Variants in SNTG2 observed in about 807,000 individuals in gnomAD.
SNTG2 encodes the protein gamma-2-syntrophin.
A neutral mutation model predicts 70.9 loss-of-function variants in SNTG2; 74 were observed. The ratio of observed to expected loss-of-function variants is 1.04; its 90% CI spans 0.86 to 1.27. The LOEUF (loss-of-function observed/expected upper bound fraction) is 1.27. SNTG2 is among the 50% of genes most tolerant of loss of function. The pLI is 0.00. For missense variants in SNTG2, 717 were observed against 690.7 expected, an observed-to-expected ratio of 1.04 and a Z score of -0.43; for synonymous variants, 278 against 273.8, an observed-to-expected ratio of 1.02 and a Z score of -0.15.
chr2:1,156,894 G>T (rs1224825783), intron 6 of SNTG2, among the ~76,000 whole-genome samples: 1 of 152,070 alleles, frequency 6.6e-6, no homozygotes, highest in Admixed American at 6.6e-5. Flanking sequence ...AGGTTTCCAC[G>T]GTGATTGGAT....
chr2:1,318,321 T>C (rs866055234), intron 16 of SNTG2, among the ~76,000 whole-genome samples: 2 of 152,278 alleles, frequency 1.3e-5, no homozygotes, highest in African/African-American at 2.4e-5. Context: ...CTGAGCAACA[T>C]GTCACACATG....
Position 1,165,622 on chromosome 2 carries a change from G to A in SNTG2, c.486G>A (p.Leu162=). 4.3e-6 allele frequency: 7 copies of A among 1,612,926 alleles called. No homozygotes were observed. Among genetic ancestry groups the A allele is most frequent in the Non-Finnish European group, 5.9e-6 (7 of 1,179,556 alleles). The change falls in exon 7 of 17, where the codon CTG becomes CTA. Residue 162 remains leucine, a synonymous_variant. Coordinates refer to ENST00000308624, the MANE Select transcript of SNTG2 (RefSeq NM_018968.4). Reference sequence around the variant, plus strand: ...ATCTCAGGGAAGCGCCGGCATTTCTGAAGCTCCCGTTAGGTAAGTGGGAAG... The same window carrying A: ...ATCTCAGGGAAGCGCCGGCATTTCTAAAGCTCCCGTTAGGTAAGTGGGAAG... ...VEYLREAPAF[L]KLPLGSPGPS...
intron 1 of SNTG2, among the ~76,000 whole-genome samples, chr2:1,061,265 G>T (rs1359478165): frequency 1.3e-5 from 2 of 152,136 alleles, no homozygotes; most frequent in East Asian, 3.9e-4. Flanking sequence ...TGGACGCTGG[G>T]GTGGAAAGAA....
At chr2:1,252,689 A>C (rs1000327353) in intron 12 of SNTG2, among the ~76,000 whole-genome samples, 8 of 152,194 alleles carry the variant, frequency 5.3e-5, no homozygotes, top group Admixed American at 3.3e-4. Flanking sequence ...AGTGTTTTGC[A>C]GAGGTCATCA....
At chr2:1,234,111 G>A (rs182653077) in intron 9 of SNTG2, among the ~76,000 whole-genome samples, 1 of 152,324 alleles carries the variant, frequency 6.6e-6, no homozygotes, top group Non-Finnish European at 1.5e-5. Flanking sequence ...GAGAGGCCGG[G>A]TTCCAACTGT....
intron 14 of SNTG2, among the ~76,000 whole-genome samples, chr2:1,299,616 T>C (rs937042048): frequency 1.1e-4 from 17 of 152,150 alleles, no homozygotes; most frequent in African/African-American, 4.1e-4. Context: ...AATAAGATAC[T>C]GGGGGCTAAG....
intron 6 of SNTG2, among the ~76,000 whole-genome samples, chr2:1,162,071 C>CAAAAAAAA (rs58579024): frequency 1.1e-5 from 1 of 89,774 alleles, no homozygotes. Flanking sequence ...GACTCCGTCT[C>CAAAAAAAA]AAAAAAAAAA....
intron 16 of SNTG2, among the ~76,000 whole-genome samples, chr2:1,365,631 C>T (rs1000854899): frequency 6.6e-6 from 1 of 152,146 alleles, no homozygotes; most frequent in African/African-American, 2.4e-5. Flanking sequence ...TTCAGGTATT[C>T]ACTTCTCACA....
chr2:1,171,273 C>A (rs765152979), intron 7 of SNTG2, among the ~76,000 whole-genome samples: 5 of 152,144 alleles, frequency 3.3e-5, no homozygotes, highest in Non-Finnish European at 4.4e-5. Flanking sequence ...AGAGTGGAAG[C>A]GTGACTGTCA....
At chr2:1,016,428 A>T (rs1274316430) in intron 1 of SNTG2, among the ~76,000 whole-genome samples, 1 of 152,120 alleles carries the variant, frequency 6.6e-6, no homozygotes, top group Non-Finnish European at 1.5e-5. Flanking sequence ...TTTAGTAGAG[A>T]TGGGGTTTTA....
At chr2:1,287,185 C>A (rs1679798666) in intron 14 of SNTG2, among the ~76,000 whole-genome samples, 1 of 152,198 alleles carries the variant, frequency 6.6e-6, no homozygotes, top group Admixed American at 6.5e-5. Context: ...TCTGTCTAAA[C>A]AATGAGTGAT....
chr2:1,091,821 C>G (rs1347410306), intron 2 of SNTG2, among the ~76,000 whole-genome samples: 1 of 152,174 alleles, frequency 6.6e-6, no homozygotes, highest in Non-Finnish European at 1.5e-5. Context: ...CCAAATTAAG[C>G]AAATATGCAC....
At chr2:1,222,028 CCTATCTCTGT>C (rs1675105016) in intron 9 of SNTG2, among the ~76,000 whole-genome samples, 1 of 1,386 alleles carries the variant, frequency 7.2e-4, no homozygotes, top group Admixed American at 0.01. Context: ...TCTGTCTCTG[CCTATCTCTGT>C]CTCTCTCTGT....
Position 1,211,323 on chromosome 2 carries a change from GA to G in SNTG2, c.719+2098del, listed in dbSNP as rs1674024559. Among the ~76,000 whole-genome samples, 3 of 152,162 alleles carry G rather than the reference GA, an allele frequency of 2.0e-5. No individual in the cohort carries two copies. The South Asian group carries it at 6.2e-4, about 32-fold the overall frequency. ...CGTATTTGAATTAAATGGGTTTTTAGAAAAATAGAGCCACTGAACTTCATTA... is the reference window on the plus strand; with the variant it reads ...CGTATTTGAATTAAATGGGTTTTTAGAAAATAGAGCCACTGAACTTCATTA... On this transcript the variant is annotated intron_variant, in intron 9 of 16. Coordinates refer to ENST00000308624, the MANE Select transcript of SNTG2 (RefSeq NM_018968.4).
chr2:1,249,561 C>G (rs1299941787), intron 12 of SNTG2, among the ~76,000 whole-genome samples: 1 of 152,196 alleles, frequency 6.6e-6, no homozygotes, highest in South Asian at 2.1e-4. Flanking sequence ...AGTATGTGGC[C>G]TGTCATTGTT....
intron 16 of SNTG2, among the ~76,000 whole-genome samples, chr2:1,351,344 T>C (rs1189488547): frequency 6.6e-6 from 1 of 152,092 alleles, no homozygotes; most frequent in Non-Finnish European, 1.5e-5. Context: ...GGCAAGATAA[T>C]AATGCTGAGG....
intron 4 of SNTG2, among the ~76,000 whole-genome samples, chr2:1,112,317 CTAAG>C (rs1412038035): frequency 1.3e-5 from 2 of 151,596 alleles, no homozygotes; most frequent in African/African-American, 2.4e-5. Flanking sequence ...ATCCTGTGTA[CTAAG>C]TGAGGTTTAA....
rs570416773 is a variant in SNTG2 at position 1,082,834 on chromosome 2, C to G, written c.73-684C>G. Among the ~76,000 whole-genome samples, 17 of 152,368 alleles carry G rather than the reference C, an allele frequency of 1.1e-4. No individual in the cohort carries two copies. In the East Asian group the frequency reaches 2.9e-3, roughly 26 times the overall value. On this transcript the variant is annotated intron_variant, in intron 1 of 16. Transcript: ENST00000308624. ...AACGTTTCTAATGATCCAAAGGTGT[C>G]TTTCTGAACTGTCTTTCCTTCATCT...
intron 1 of SNTG2, among the ~76,000 whole-genome samples, chr2:973,746 T>C (rs950650154): frequency 3.3e-5 from 5 of 152,188 alleles, no homozygotes; most frequent in African/African-American, 1.2e-4. Flanking sequence ...TTTTTATACC[T>C]TATTTTGATT....
Sources: allele counts gnomAD v4.1 joint callset (sites outside exome capture counted in the v4.1 genomes callset), GRCh38; gene constraint gnomAD v4.1.1; transcripts MANE v1.5; gene names NCBI Gene and HGNC (gene_info 2026-07-23, HGNC 2026-07-21).